The following RPA3 variants were observed in gnomAD, a reference collection of about 807,000 sequenced individuals.
The protein encoded by RPA3 is replication protein A3.
A neutral mutation model predicts 13.7 loss-of-function variants in RPA3; 24 were observed. The ratio of observed to expected loss-of-function variants is 1.75; its 90% CI spans 1.27 to 2.46. RPA3 has a LOEUF of 2.46. RPA3 is among the 30% of genes most tolerant of loss of function. RPA3 has a pLI of 0.00. For synonymous variants in RPA3, 59 were observed against 51.2 expected, an observed-to-expected ratio of 1.15 and a Z score of -0.65; for missense variants, 183 against 151.0, an observed-to-expected ratio of 1.21 and a Z score of -1.11.
At chr7:7,712,533 C>T (rs1780791763) in intron 2 of RPA3, among the ~76,000 whole-genome samples, 1 of 152,224 alleles carries the variant, frequency 6.6e-6, no homozygotes, top group South Asian at 2.1e-4. Context: ...GTAGCTGATA[C>T]TTGTAGCAAC....
intron 2 of RPA3, among the ~76,000 whole-genome samples, chr7:7,694,614 C>A (rs1296630829): frequency 6.6e-6 from 1 of 151,878 alleles, no homozygotes; most frequent in Non-Finnish European, 1.5e-5. Context: ...TTTTTAGTTC[C>A]CACAAATGAG....
chr7:7,643,375 T>G (rs967916952), intron 4 of RPA3, among the ~76,000 whole-genome samples: 2 of 152,182 alleles, frequency 1.3e-5, no homozygotes, highest in African/African-American at 4.8e-5. Flanking sequence ...CGGCAGCCTA[T>G]CCTAAGGAAA....
At chr7:7,671,847 C>A (rs1417762668) in intron 4 of RPA3, among the ~76,000 whole-genome samples, 2 of 152,136 alleles carry the variant, frequency 1.3e-5, no homozygotes, top group African/African-American at 4.8e-5. Context: ...TAAGCACTTT[C>A]TTTAAGGATT....
intron 4 of RPA3, among the ~76,000 whole-genome samples, chr7:7,663,368 A>G (rs1785525135): frequency 1.3e-5 from 2 of 152,148 alleles, no homozygotes; most frequent in African/African-American, 4.8e-5. Flanking sequence ...CAATTTAATT[A>G]ATTAGTTTCC....
At chr7:7,673,678 G>A (rs1372276610) in intron 4 of RPA3, among the ~76,000 whole-genome samples, 3 of 150,046 alleles carry the variant, frequency 2.0e-5, no homozygotes, top group Non-Finnish European at 4.4e-5. Flanking sequence ...TGTTCTCCAA[G>A]TTAAATGTGT....
chr7:7,656,664 G>GTA (rs1274430788), intron 4 of RPA3, among the ~76,000 whole-genome samples: 1 of 152,168 alleles, frequency 6.6e-6, no homozygotes, highest in Middle Eastern at 3.2e-3. Context: ...TTTTATGGCT[G>GTA]TATACTATTC....
At chr7:7,685,312 A>ATC (rs1780016485) in intron 4 of RPA3, among the ~76,000 whole-genome samples, 1 of 117,118 alleles carries the variant, frequency 8.5e-6, no homozygotes, top group Non-Finnish European at 1.8e-5. Flanking sequence ...TTACACATTG[A>ATC]TCTTTTTTTT....
At chr7:7,701,455 C>G (rs1780460653) in intron 2 of RPA3, among the ~76,000 whole-genome samples, 1 of 152,158 alleles carries the variant, frequency 6.6e-6, no homozygotes, top group African/African-American at 2.4e-5. Context: ...ACTTCATTTG[C>G]CATCCGTTGT....
At position 7,652,370 on chromosome 7, in the gene RPA3, G is replaced by C. The variant is rs542469329; in HGVS notation, c.-757-11195C>G. Among the ~76,000 whole-genome samples the C allele has an allele frequency of 4.6e-5, 7 of 152,310 alleles. No homozygotes were observed. In the East Asian group the frequency reaches 1.3e-3, roughly 29 times the overall value. On this transcript the variant is annotated intron_variant, in intron 4 of 7. Coordinates refer to ENST00000223129, the MANE Select transcript of RPA3 (RefSeq NM_002947.5). ...TGGTCTCTGATTTTCAGTTGATATA[G>C]TTATTACCAATTTTTTTAGTGTGTT...
At chr7:7,658,865 G>A (rs1785407291) in intron 4 of RPA3, among the ~76,000 whole-genome samples, 1 of 152,130 alleles carries the variant, frequency 6.6e-6, no homozygotes, top group African/African-American at 2.4e-5. Flanking sequence ...GTTTGGAATA[G>A]TTTCAGAAGG....
intron 2 of RPA3, among the ~76,000 whole-genome samples, chr7:7,704,134 C>T (rs1304080307): frequency 1.3e-5 from 2 of 152,144 alleles, no homozygotes; most frequent in Non-Finnish European, 2.9e-5. Context: ...CTAAACAACA[C>T]ATCATGATAG....
chr7:7,640,475 C>A lies in RPA3; in HGVS notation c.-57G>T, dbSNP rs754602478. ...ACCCACGGACGACTGAAACTGTGCG[C>A]CCCGCGGGTGTCTATGGGGCAGATT... On this transcript the variant is annotated 5_prime_UTR_variant, in exon 5 of 8. Transcript: ENST00000223129. 5.2e-6 allele frequency: 8 copies of A among 1,537,962 alleles called. No homozygotes were observed. Among genetic ancestry groups the A allele is most frequent in the East Asian group, 2.3e-5 (1 of 44,354 alleles).
chr7:7,704,570 A>G (rs1780547517), intron 2 of RPA3, among the ~76,000 whole-genome samples: 1 of 147,338 alleles, frequency 6.8e-6, no homozygotes, highest in Non-Finnish European at 1.5e-5. Context: ...CCTGGCCAAT[A>G]TGGTGAAACC....
intron 1 of RPA3, among the ~76,000 whole-genome samples, chr7:7,717,116 G>A (rs540805098): frequency 6.7e-6 from 1 of 150,112 alleles, no homozygotes; most frequent in East Asian, 2.0e-4. Context: ...GAGTGCAATG[G>A]CATGATCTTG....
At chr7:7,646,480 ATTTTTTTTT>A (rs35948027) in intron 4 of RPA3, among the ~76,000 whole-genome samples, 9 of 111,360 alleles carry the variant, frequency 8.1e-5, no homozygotes, top group African/African-American at 1.1e-4. Flanking sequence ...CTTTCGCTGG[ATTTTTTTTT>A]TTTTTTTTTT....
chr7:7,706,635 A>G lies in RPA3; in HGVS notation c.-1028+8540T>C, dbSNP rs529911100. Among the ~76,000 whole-genome samples, 5 of 152,314 alleles carry G rather than the reference A, an allele frequency of 3.3e-5. No homozygotes were observed. The South Asian group carries it at 1.0e-3, about 32-fold the overall frequency. ...TAGGTAATAATGAAGATAACTAATA[A>G]TAACTCATTTACATAAGAACTCTAA... On this transcript the variant is annotated intron_variant, in intron 2 of 7. Coordinates refer to ENST00000223129, the MANE Select transcript of RPA3 (RefSeq NM_002947.5).
At chr7:7,714,654 T>C (rs922165485) in intron 2 of RPA3, among the ~76,000 whole-genome samples, 1 of 152,138 alleles carries the variant, frequency 6.6e-6, no homozygotes, top group Non-Finnish European at 1.5e-5. Flanking sequence ...GTATTATATG[T>C]TGGACTTACA....
At chr7:7,658,223 G>T (rs1288350222) in intron 4 of RPA3, among the ~76,000 whole-genome samples, 1 of 152,156 alleles carries the variant, frequency 6.6e-6, no homozygotes, top group Admixed American at 6.5e-5. Context: ...GAGACGATGG[G>T]GTTTTCTAAA....
At chr7:7,686,878 C>T (rs1780053345) in intron 3 of RPA3, among the ~76,000 whole-genome samples, 1 of 152,192 alleles carries the variant, frequency 6.6e-6, no homozygotes, top group African/African-American at 2.4e-5. Context: ...TGTGTACCTT[C>T]CTTACTCCTC....
Sources: gnomAD v4.1 joint callset for allele counts (sites outside exome capture counted in the v4.1 genomes callset) on GRCh38, gnomAD v4.1.1 for gene constraint, MANE v1.5 for transcripts, NCBI Gene and HGNC (gene_info 2026-07-23, HGNC 2026-07-21) for gene names.